CRISP2: variants seen among roughly 807,000 people sequenced by gnomAD.
CRISP2 encodes cysteine-rich secretory protein 2.
In CRISP2, 29 loss-of-function variants were observed where a neutral mutation model predicts 31.7. The observed-to-expected ratio is 0.92, with a 90% CI of 0.68 to 1.25. The LOEUF (loss-of-function observed/expected upper bound fraction) is 1.25, where lower values mean the gene tolerates loss of function less well. Ranked by LOEUF, CRISP2 falls within the 50% of genes most tolerant of loss-of-function variation. CRISP2 has a pLI of 0.00. For missense variants in CRISP2, 318 were observed against 286.5 expected, an observed-to-expected ratio of 1.11 and a Z score of -0.79; for synonymous variants, 111 against 101.4, an observed-to-expected ratio of 1.09 and a Z score of -0.57.
At chr6:49,679,920 G>A in the CRISP2 span, among the ~76,000 whole-genome samples, 1 of 152,010 alleles carries the variant, frequency 6.6e-6, no homozygotes, top group Non-Finnish European at 1.5e-5. Flanking sequence ...TGGTCAGGTT[G>A]GTCTCGAACT....
At position 49,692,741 on chromosome 6, in the gene CRISP2, C is replaced by T. The variant is rs749710327; in HGVS notation, c.*32G>A. Reference sequence around the variant, plus strand: ...GCAATTAAATGATGCAGCCCTTATCCATGCAGTCTTGCACAATGCTCACTA... The same window carrying T: ...GCAATTAAATGATGCAGCCCTTATCTATGCAGTCTTGCACAATGCTCACTA... On this transcript the variant is annotated 3_prime_UTR_variant, in exon 10 of 10. Transcript: ENST00000339139. 70 of 1,581,072 alleles carry T rather than the reference C, an allele frequency of 4.4e-5. No individual in the cohort carries two copies. The highest frequency in any genetic ancestry group is 5.5e-5 in the Non-Finnish European group (64 of 1,156,854).
At chr6:49,684,094 G>A in the CRISP2 span, among the ~76,000 whole-genome samples, 514 of 151,930 alleles carry the variant, frequency 3.4e-3, 3 homozygotes, top group African/African-American at 0.011. Flanking sequence ...TTCCTCATCC[G>A]TAAAATAAAG....
At chr6:49,698,260 CG>C (rs1292885185) in intron 7 of CRISP2, 101 bp downstream of exon 7, 2 of 1,344,896 alleles carry the variant, frequency 1.5e-6, no homozygotes, top group African/African-American at 1.5e-5. Flanking sequence ...TCTACCCACT[CG>C]GACTGTTCTC....
At chr6:49,686,403 G>A in the CRISP2 span, among the ~76,000 whole-genome samples, 1 of 152,124 alleles carries the variant, frequency 6.6e-6, no homozygotes. Context: ...CTAAAGGACT[G>A]GTAGAGTAAA....
intron 4 of CRISP2, among the ~76,000 whole-genome samples, chr6:49,705,035 C>T (rs192744330): frequency 3.5e-4 from 53 of 152,178 alleles, no homozygotes; most frequent in African/African-American, 1.2e-3. Flanking sequence ...GATAAGTATT[C>T]AGGTTTTTCA....
At chr6:49,712,382 G>A (rs1195558927) in intron 2 of CRISP2, 119 bp downstream of exon 2, 1 of 152,176 alleles carries the variant, frequency 6.6e-6, no homozygotes, top group Non-Finnish European at 1.5e-5. Context: ...CACTGTTGGT[G>A]AGAGTATATT....
the CRISP2 span, among the ~76,000 whole-genome samples, chr6:49,686,793 G>C: frequency 6.6e-6 from 1 of 152,142 alleles, no homozygotes; most frequent in African/African-American, 2.4e-5. Flanking sequence ...GCAAAGTCTT[G>C]GAACCAATCC....
chr6:49,701,646 ATGTATACATTATAT>A (rs1561876192), intron 4 of CRISP2, among the ~76,000 whole-genome samples: 2 of 125,086 alleles, frequency 1.6e-5, no homozygotes, highest in African/African-American at 6.3e-5. Flanking sequence ...TACATTATAT[ATGTATACATTATAT>A]ATGTATACAT....
chr6:49,706,755 TAAG>T (rs1767102189), intron 4 of CRISP2, among the ~76,000 whole-genome samples: 1 of 152,220 alleles, frequency 6.6e-6, no homozygotes, highest in Admixed American at 6.5e-5. Context: ...TGAGTTCATT[TAAG>T]TCTCTCAAAA....
chr6:49,691,593 C>A (rs79133460), downstream of CRISP2, among the ~76,000 whole-genome samples: 7,739 of 151,910 alleles, frequency 0.051, 182 homozygotes, highest in Non-Finnish European at 0.057. Flanking sequence ...AGATCTCTCT[C>A]TATATATTTT....
chr6:49,678,763 A>G, the CRISP2 span, among the ~76,000 whole-genome samples: 7 of 152,152 alleles, frequency 4.6e-5, no homozygotes, highest in Non-Finnish European at 7.3e-5. Flanking sequence ...ATACTGTCTC[A>G]TTTGAATTCC....
Position 49,692,874 on chromosome 6 carries a change from G to C in CRISP2, c.631C>G (p.Leu211Val). 1 of 1,613,686 alleles carries C rather than the reference G, an allele frequency of 6.2e-7. No individual in the cohort carries two copies. The highest frequency in any genetic ancestry group is 2.2e-5 in the East Asian group (1 of 44,852). ...CTNSCQYQDL[L>V]SNCDSLKNTA... Reference sequence around the variant, plus strand: ...TTCTTCAAGGAATCACAGTTACTTAGGAGATCTTGATACTGGCAACTATTG... The same window carrying C: ...TTCTTCAAGGAATCACAGTTACTTACGAGATCTTGATACTGGCAACTATTG... Residue 211 changes from leucine (L) to valine (V), a missense_variant, in exon 10 of 10, where the codon CTA (leucine) becomes GTA (valine). Coordinates refer to ENST00000339139, the MANE Select transcript of CRISP2 (RefSeq NM_003296.4).
At chr6:49,701,690 TATGTATACATTATGTATACATATATA>T (rs1765841832) in intron 4 of CRISP2, among the ~76,000 whole-genome samples, 1 of 112,444 alleles carries the variant, frequency 8.9e-6, no homozygotes, top group South Asian at 2.5e-4. Context: ...ATACATTATA[TATGTATACATTATGTATACATATATA>T]ATGTATATAT....
chr6:49,699,528 T>A (rs1451481703), intron 6 of CRISP2, among the ~76,000 whole-genome samples: 1 of 152,102 alleles, frequency 6.6e-6, no homozygotes, highest in Non-Finnish European at 1.5e-5. Context: ...TCTGGCTTTC[T>A]AATCTTTAAA....
intron 9 of CRISP2, among the ~76,000 whole-genome samples, chr6:49,694,574 G>T (rs1290675812): frequency 6.6e-6 from 1 of 152,016 alleles, no homozygotes; most frequent in Non-Finnish European, 1.5e-5. Flanking sequence ...TCCCCCAAGT[G>T]GACAGTGTCT....
At chr6:49,700,187 A>G (rs1232658135) in intron 5 of CRISP2, among the ~76,000 whole-genome samples, 2 of 152,168 alleles carry the variant, frequency 1.3e-5, no homozygotes, top group Non-Finnish European at 2.9e-5. Flanking sequence ...ATTGATAAGC[A>G]TGTGAAATAT....
At chr6:49,710,099 C>A (rs957110058) in intron 3 of CRISP2, among the ~76,000 whole-genome samples, 1 of 152,188 alleles carries the variant, frequency 6.6e-6, no homozygotes, top group East Asian at 1.9e-4. Context: ...CTGTCACTCC[C>A]AAATTCTTGG....
chr6:49,689,854 A>G (rs1052607250), downstream of CRISP2, among the ~76,000 whole-genome samples: 8 of 152,082 alleles, frequency 5.3e-5, no homozygotes, highest in African/African-American at 7.2e-5. Context: ...ACCCTCTTCC[A>G]CATCACTCTT....
chr6:49,684,129 G>C, the CRISP2 span, among the ~76,000 whole-genome samples: 1 of 152,040 alleles, frequency 6.6e-6, no homozygotes, highest in Admixed American at 6.6e-5. Context: ...GGAGGATAAA[G>C]TGCAAAAATG....
Sources: allele counts gnomAD v4.1 joint callset (sites outside exome capture counted in the v4.1 genomes callset), GRCh38; gene constraint gnomAD v4.1.1; transcripts MANE v1.5; gene names NCBI Gene and HGNC (gene_info 2026-07-23, HGNC 2026-07-21).